The following MACROD2 variants were observed in gnomAD, a reference collection of about 807,000 sequenced individuals.
The protein encoded by MACROD2 is ADP-ribose glycohydrolase MACROD2.
In MACROD2, 36 loss-of-function variants were observed where a neutral mutation model predicts 70.4. That is an observed-to-expected ratio of 0.51 (90% CI 0.39 to 0.68). The LOEUF (loss-of-function observed/expected upper bound fraction) is 0.68. Ranked by LOEUF, MACROD2 falls within the 30% of genes least tolerant of loss-of-function variation. The pLI is 0.00. For synonymous variants in MACROD2, 172 were observed against 178.8 expected (o/e 0.96, Z 0.30); for missense variants, 496 against 538.4 (o/e 0.92, Z 0.78).
intron 5 of MACROD2, among the ~76,000 whole-genome samples, chr20:14,885,073 T>C (rs540484942): frequency 6.6e-6 from 1 of 152,296 alleles, no homozygotes; most frequent in Admixed American, 6.5e-5. Context: ...ACTTCTAAAC[T>C]GATTGAGAAC....
chr20:15,894,712 G>A (rs1362767469), intron 10 of MACROD2, among the ~76,000 whole-genome samples: 1 of 152,234 alleles, frequency 6.6e-6, no homozygotes, highest in Non-Finnish European at 1.5e-5. Flanking sequence ...CCTTCTGTCA[G>A]TGATGGCTGT....
chr20:14,734,216 G>A (rs1182168673), intron 5 of MACROD2, among the ~76,000 whole-genome samples: 4 of 151,708 alleles, frequency 2.6e-5, no homozygotes, highest in South Asian at 2.1e-4. Flanking sequence ...TAACAATAAG[G>A]GGCCGGGCGT....
rs923583725 is a variant in MACROD2, at chr20:15,649,893, C to T, written c.645+150046C>T. ...CAAAATTTGAGCAGAAGATTTGCTTCTAAAATAGTTTCATATCTTTTGTAA... is the reference window on the plus strand; with the variant it reads ...CAAAATTTGAGCAGAAGATTTGCTTTTAAAATAGTTTCATATCTTTTGTAA... On this transcript the variant is annotated intron_variant, in intron 8 of 17. Transcript: ENST00000684519. Among the ~76,000 whole-genome samples, 4 of 152,272 alleles carry T rather than the reference C, an allele frequency of 2.6e-5. No homozygotes were observed. In the East Asian group the frequency reaches 7.7e-4, roughly 29 times the overall value.
chr20:15,448,353 G>C (rs886985902), intron 7 of MACROD2, among the ~76,000 whole-genome samples: 11 of 152,172 alleles, frequency 7.2e-5, no homozygotes, highest in Non-Finnish European at 1.3e-4. Flanking sequence ...AACAAGCAAG[G>C]CCCCTGGAGG....
chr20:15,511,208 T>G (rs972429135), intron 8 of MACROD2, among the ~76,000 whole-genome samples: 1 of 152,210 alleles, frequency 6.6e-6, no homozygotes, highest in African/African-American at 2.4e-5. Flanking sequence ...GTGTGCACTC[T>G]TTAAAAGAAG....
chr20:15,124,729 T>A (rs1763307037), intron 5 of MACROD2, among the ~76,000 whole-genome samples: 2 of 152,110 alleles, frequency 1.3e-5, no homozygotes. Context: ...AGGACATTAA[T>A]CATTATTGAA....
At chr20:15,442,795 G>C (rs1323808972) in intron 7 of MACROD2, among the ~76,000 whole-genome samples, 1 of 50,438 alleles carries the variant, frequency 2.0e-5, no homozygotes, top group East Asian at 4.3e-4. Flanking sequence ...AATTAGTTTA[G>C]GGGCAGTGTC....
intron 8 of MACROD2, among the ~76,000 whole-genome samples, chr20:15,663,179 T>A (rs909767722): frequency 2.0e-5 from 3 of 151,632 alleles, no homozygotes; most frequent in Admixed American, 6.6e-5. Context: ...AATGGATGAA[T>A]GAGATCTCAG....
At chr20:15,249,883 T>C (rs1380066738) in intron 6 of MACROD2, among the ~76,000 whole-genome samples, 4 of 152,244 alleles carry the variant, frequency 2.6e-5, no homozygotes, top group Non-Finnish European at 5.9e-5. Context: ...CAAATAATTG[T>C]GGTTATTTAA....
chr20:14,971,955 G>C (rs552273773), intron 5 of MACROD2, among the ~76,000 whole-genome samples: 24 of 152,266 alleles, frequency 1.6e-4, no homozygotes, highest in Admixed American at 1.2e-3. Context: ...CTTCTAGCTT[G>C]CTTGTCTATG....
At chr20:15,496,856 G>A (rs1209577369) in intron 7 of MACROD2, among the ~76,000 whole-genome samples, 2 of 152,174 alleles carry the variant, frequency 1.3e-5, no homozygotes, top group African/African-American at 4.8e-5. Context: ...CTATGCCTAT[G>A]CCTAGGAAGA....
chr20:15,842,027 G>T (rs1017360503), intron 8 of MACROD2, among the ~76,000 whole-genome samples: 7 of 152,084 alleles, frequency 4.6e-5, no homozygotes, highest in African/African-American at 1.7e-4. Context: ...AGAGGAGGTT[G>T]AAAAGACACT....
chr20:15,894,263 A>G (rs1002690984), intron 10 of MACROD2, among the ~76,000 whole-genome samples: 6 of 152,218 alleles, frequency 3.9e-5, no homozygotes, highest in African/African-American at 1.4e-4. Flanking sequence ...TTCAGAACCA[A>G]TCGAGAAGCC....
chr20:14,184,106 T>C (rs1251023558), intron 3 of MACROD2, among the ~76,000 whole-genome samples: 1 of 152,094 alleles, frequency 6.6e-6, no homozygotes, highest in Non-Finnish European at 1.5e-5. Context: ...AATCTTTGCT[T>C]GTGCCTGTGT....
At chr20:14,055,790 C>G (rs1224624119) in intron 2 of MACROD2, among the ~76,000 whole-genome samples, 1 of 151,158 alleles carries the variant, frequency 6.6e-6, no homozygotes, top group Admixed American at 6.6e-5. Context: ...TATAACATCT[C>G]AATTTGTTGT....
At chr20:15,405,661 G>C (rs544578311) in intron 6 of MACROD2, among the ~76,000 whole-genome samples, 1 of 152,086 alleles carries the variant, frequency 6.6e-6, no homozygotes, top group South Asian at 2.1e-4. Flanking sequence ...TACTCCTCCT[G>C]TCTCGTTAAT....
intron 5 of MACROD2, among the ~76,000 whole-genome samples, chr20:15,136,115 T>G (rs1249864729): frequency 6.6e-6 from 1 of 150,618 alleles, no homozygotes; most frequent in Non-Finnish European, 1.5e-5. Flanking sequence ...AGAATCAATA[T>G]CGTGAAAATG....
intron 8 of MACROD2, among the ~76,000 whole-genome samples, chr20:15,511,867 T>G (rs2047504767): frequency 6.6e-6 from 1 of 152,176 alleles, no homozygotes; most frequent in Non-Finnish European, 1.5e-5. Flanking sequence ...AATCCTTAAA[T>G]CAGATACTGG....
At chr20:14,419,094 G>A (rs2083845803) in intron 3 of MACROD2, among the ~76,000 whole-genome samples, 1 of 151,294 alleles carries the variant, frequency 6.6e-6, no homozygotes, top group South Asian at 2.1e-4. Flanking sequence ...CGCTCTTGTT[G>A]CCCAGGCTGG....
Sources: gnomAD v4.1 joint callset for allele counts (sites outside exome capture counted in the v4.1 genomes callset) on GRCh38, gnomAD v4.1.1 for gene constraint, MANE v1.5 for transcripts, NCBI Gene and HGNC (gene_info 2026-07-23, HGNC 2026-07-21) for gene names.